The following RBFOX1 variants were observed in gnomAD, a reference collection of about 807,000 sequenced individuals.
RBFOX1 encodes RNA binding fox-1 homolog 1, also known as RNA binding protein fox-1 homolog 1.
RBFOX1 carries 8 observed loss-of-function variants against 57.7 expected under a neutral mutation model. The observed-to-expected ratio is 0.14, with a 90% CI of 0.08 to 0.25. The LOEUF is 0.25. Ranked by LOEUF, RBFOX1 falls within the 10% of genes least tolerant of loss-of-function variation. The probability of loss-of-function intolerance (pLI) is 1.00; values close to 1 mark genes in which losing one functional copy is unlikely to be tolerated. For synonymous variants in RBFOX1, 326 were observed against 222.4 expected (o/e 1.47, Z -4.15); for missense variants, 611 against 548.5 (o/e 1.11, Z -1.14).
At chr16:7,611,874 C>T (rs1008946600) in intron 10 of RBFOX1, among the ~76,000 whole-genome samples, 1 of 152,156 alleles carries the variant, frequency 6.6e-6, no homozygotes, top group Non-Finnish European at 1.5e-5. Context: ...CCGTGCCAGT[C>T]TTCAGAGCAG....
intron 3 of RBFOX1, among the ~76,000 whole-genome samples, chr16:6,990,141 A>T (rs531385580): frequency 6.6e-6 from 1 of 152,226 alleles, no homozygotes; most frequent in Admixed American, 6.5e-5. Context: ...AACGTGCCCA[A>T]CACACAGTAG....
Position 7,372,220 on chromosome 16 carries a change from A to G in RBFOX1, c.28-145927A>G, listed in dbSNP as rs192067954. Among the ~76,000 whole-genome samples the G allele has an allele frequency of 2.6e-5, 4 of 152,152 alleles. No individual in the cohort carries two copies. In the East Asian group the frequency reaches 5.8e-4, roughly 22 times the overall value. On this transcript the variant is annotated intron_variant, in intron 4 of 15. Transcript: ENST00000550418. The stretch of plus-strand genomic sequence containing the variant: ...TTCTCACCATCAGTGCAGACATCCT[A>G]TTTGGGCCTCGGAGCTGGAGTTCAC...
intron 3 of RBFOX1, among the ~76,000 whole-genome samples, chr16:6,779,169 C>G (rs974435489): frequency 1.3e-5 from 2 of 152,040 alleles, no homozygotes; most frequent in Admixed American, 1.3e-4. Context: ...CCCCCTTGCT[C>G]TCAACTCCCC....
At chr16:7,184,713 C>G (rs1303555522) in intron 4 of RBFOX1, among the ~76,000 whole-genome samples, 1 of 152,140 alleles carries the variant, frequency 6.6e-6, no homozygotes, top group African/African-American at 2.4e-5. Flanking sequence ...TGAAACTTCT[C>G]TAAAAATTTG....
At chr16:7,517,060 G>A (rs949748800) in intron 4 of RBFOX1, among the ~76,000 whole-genome samples, 5 of 151,078 alleles carry the variant, frequency 3.3e-5, no homozygotes, top group East Asian at 2.0e-4. Context: ...TTTTTTCCTC[G>A]CTCTGTCTTT....
intron 1 of RBFOX1, chr16:5,366,416 G>A (rs2065716989): frequency 2.2e-6 from 1 of 444,560 alleles, no homozygotes; most frequent in East Asian, 5.7e-5. Context: ...AGCCAAAAAT[G>A]CACACAAGTC....
At chr16:7,324,582 A>G (rs903980079) in intron 4 of RBFOX1, among the ~76,000 whole-genome samples, 2 of 152,188 alleles carry the variant, frequency 1.3e-5, no homozygotes, top group African/African-American at 4.8e-5. Flanking sequence ...GATGATGTGC[A>G]GGGTTGATAT....
At chr16:6,940,919 G>A (rs1490651282) in intron 3 of RBFOX1, among the ~76,000 whole-genome samples, 2 of 151,082 alleles carry the variant, frequency 1.3e-5, no homozygotes, top group South Asian at 2.1e-4. Flanking sequence ...GCTTTAGCCA[G>A]GATGGTTTCG....
At chr16:6,256,974 C>T (rs754121953) in intron 1 of RBFOX1, among the ~76,000 whole-genome samples, 42 of 152,124 alleles carry the variant, frequency 2.8e-4, no homozygotes, top group Non-Finnish European at 4.9e-4. Flanking sequence ...CTTACACCTG[C>T]ATTCCATGAG....
intron 3 of RBFOX1, among the ~76,000 whole-genome samples, chr16:6,677,624 A>G (rs1003489235): frequency 6.6e-6 from 1 of 152,216 alleles, no homozygotes; most frequent in African/African-American, 2.4e-5. Context: ...ATAAAATCTC[A>G]TTAAAAGTAT....
rs1441190274 is a variant in RBFOX1, at chr16:6,971,563, C to G, written c.-15-80494C>G. 4.6e-5 allele frequency among the ~76,000 whole-genome samples: 7 copies of G among 151,570 alleles called. No individual in the cohort carries two copies. In the East Asian group the frequency reaches 1.2e-3, roughly 25 times the overall value. ...AATTTTGAGCAAAAGAAATGTGTTC[C>G]CAGTTTACATTATTAAAAGATCACC... On this transcript the variant is annotated intron_variant, in intron 3 of 15. Coordinates refer to ENST00000550418, the MANE Select transcript of RBFOX1 (RefSeq NM_018723.4).
In RBFOX1 at chr16:5,381,379, A is replaced by G. The variant is rs148178828; in HGVS notation, c.220-85837A>G. Among the ~76,000 whole-genome samples the G allele has an allele frequency of 3.6e-3, 556 of 152,348 alleles. 3 individuals are homozygous for G. Among genetic ancestry groups the G allele is most frequent in the African/African-American group, 0.013 (521 of 41,588 alleles). On this transcript the variant is annotated intron_variant, in intron 1 of 2. Transcript: ENST00000585867. ...TTACTTAGGGCCAGCTGCTGTCCTTAGCAAATTGTGTCTAAAACCCTAACA... is the reference window on the plus strand; with the variant it reads ...TTACTTAGGGCCAGCTGCTGTCCTTGGCAAATTGTGTCTAAAACCCTAACA...
chr16:7,480,092 C>T (rs1447362172), intron 4 of RBFOX1, among the ~76,000 whole-genome samples: 1 of 152,186 alleles, frequency 6.6e-6, no homozygotes, highest in Non-Finnish European at 1.5e-5. Flanking sequence ...TGTTGATTAT[C>T]ATGTTCTTAA....
intron 3 of RBFOX1, chr16:6,704,622 G>C (rs2062410400): frequency 6.6e-6 from 1 of 152,628 alleles, no homozygotes; most frequent in South Asian, 2.1e-4. Flanking sequence ...AGGGGTGGGG[G>C]AAGACTGAGA....
chr16:6,699,689 G>A (rs1308789197), intron 3 of RBFOX1, among the ~76,000 whole-genome samples: 1 of 152,136 alleles, frequency 6.6e-6, no homozygotes, highest in Non-Finnish European at 1.5e-5. Context: ...CAAGGCATTG[G>A]GTTAACACAG....
intron 3 of RBFOX1, among the ~76,000 whole-genome samples, chr16:6,851,697 A>T (rs755007030): frequency 6.6e-6 from 1 of 152,162 alleles, no homozygotes; most frequent in Non-Finnish European, 1.5e-5. Flanking sequence ...TAACAATTTC[A>T]ATGCCAGGCA....
At chr16:6,309,706 C>G (rs758671515) in intron 1 of RBFOX1, among the ~76,000 whole-genome samples, 2 of 151,970 alleles carry the variant, frequency 1.3e-5, no homozygotes, top group Non-Finnish European at 2.9e-5. Flanking sequence ...GTCCCTAGAG[C>G]TTCGGGGAGA....
At chr16:5,619,256 C>T (rs937489188) in intron 3 of RBFOX1, among the ~76,000 whole-genome samples, 19 of 152,170 alleles carry the variant, frequency 1.2e-4, no homozygotes, top group African/African-American at 4.3e-4. Context: ...AGACAGGCCT[C>T]CCGGGCTCCA....
At chr16:7,567,485 CCCTATATGTATATCCCTAT>C (rs751934497) in intron 5 of RBFOX1, among the ~76,000 whole-genome samples, 41,727 of 74,682 alleles carry the variant, frequency 0.56, 11,327 homozygotes, top group Middle Eastern at 0.65. Flanking sequence ...CTATGTATGG[CCCTATATGTATATCCCTAT>C]GTATGGCCCT....
Sources: gnomAD v4.1 joint callset for allele counts (sites outside exome capture counted in the v4.1 genomes callset) on GRCh38, gnomAD v4.1.1 for gene constraint, MANE v1.5 for transcripts, NCBI Gene and HGNC (gene_info 2026-07-23, HGNC 2026-07-21) for gene names.